Variants in ATP8B4 observed in about 807,000 individuals in gnomAD.
ATP8B4 encodes ATPase phospholipid transporting 8B4 (putative).
A neutral mutation model predicts 145.6 loss-of-function variants in ATP8B4; 133 were observed. The ratio of observed to expected loss-of-function variants is 0.91; its 90% CI spans 0.79 to 1.05. The LOEUF is 1.05. ATP8B4 is among the 50% of genes least tolerant of loss of function. The pLI, the probability that ATP8B4 is intolerant of heterozygous loss-of-function variation, is 0.00. For missense variants in ATP8B4, 1,458 were observed against 1,425.2 expected, an observed-to-expected ratio of 1.02 and a Z score of -0.37; for synonymous variants, 507 against 492.9, an observed-to-expected ratio of 1.03 and a Z score of -0.38.
chr15:50,052,460 T>C (rs1022079196), intron 3 of ATP8B4, among the ~76,000 whole-genome samples: 3 of 152,152 alleles, frequency 2.0e-5, no homozygotes, highest in African/African-American at 7.2e-5. Flanking sequence ...GGGTCCCACA[T>C]AGTGGGAAAG....
At chr15:49,907,505 T>G (rs944531440) in intron 20 of ATP8B4, among the ~76,000 whole-genome samples, 3 of 152,166 alleles carry the variant, frequency 2.0e-5, no homozygotes, top group East Asian at 3.9e-4. Context: ...GTAGTCCTTG[T>G]TGGTGGAAAG....
At chr15:50,169,462 C>T (rs948515292) in intron 1 of ATP8B4, among the ~76,000 whole-genome samples, 5 of 152,204 alleles carry the variant, frequency 3.3e-5, no homozygotes, top group African/African-American at 9.6e-5. Flanking sequence ...ACAGGAGCCA[C>T]ATCCATAGGA....
intron 20 of ATP8B4, among the ~76,000 whole-genome samples, chr15:49,904,658 C>T (rs2038409230): frequency 1.3e-5 from 2 of 152,124 alleles, no homozygotes; most frequent in African/African-American, 4.8e-5. Flanking sequence ...ACCAAAGGCC[C>T]CATCACTCCC....
At chr15:49,981,150 CA>C in intron 11 of ATP8B4, 55 bp downstream of exon 11, 1 of 1,368,866 alleles carries the variant, frequency 7.3e-7, no homozygotes, top group South Asian at 1.2e-5. Flanking sequence ...CAGCAAGATT[CA>C]GTAAATGTAC....
intron 14 of ATP8B4, among the ~76,000 whole-genome samples, chr15:49,946,855 A>G (rs2042612272): frequency 6.6e-6 from 1 of 152,190 alleles, no homozygotes; most frequent in Non-Finnish European, 1.5e-5. Context: ...CACCGGGACA[A>G]TGGTCAGCCA....
chr15:50,104,364 A>G (rs1376588674), intron 2 of ATP8B4, among the ~76,000 whole-genome samples: 1 of 152,190 alleles, frequency 6.6e-6, no homozygotes, highest in Non-Finnish European at 1.5e-5. Flanking sequence ...TCTACAAGGA[A>G]CTCAAACAAA....
At chr15:50,118,141 C>T (rs1023124230) in intron 1 of ATP8B4, among the ~76,000 whole-genome samples, 15 of 151,740 alleles carry the variant, frequency 9.9e-5, no homozygotes, top group South Asian at 4.2e-4. Flanking sequence ...TTATAATAAA[C>T]GATATAGATA....
At chr15:49,922,491 A>AT in intron 17 of ATP8B4, 1 of 380,564 alleles carries the variant, frequency 2.6e-6, no homozygotes, top group East Asian at 7.7e-5. Context: ...CCAAACCATC[A>AT]TTTTTTAAAT....
In ATP8B4 at chr15:50,126,594, A is replaced by G. The variant is rs187254771; in HGVS notation, c.-42-19586T>C. On this transcript the variant is annotated intron_variant, in intron 1 of 3. Transcript: ENST00000558829. ...AACATCTTATGACTATAACTTCTTT[A>G]GCTATTATTTTAAGCTACTATTACT... 2.1e-4 allele frequency among the ~76,000 whole-genome samples: 32 copies of G among 152,330 alleles called. No individual in the cohort carries two copies. In the East Asian group the frequency reaches 6.0e-3, roughly 28 times the overall value.
intron 1 of ATP8B4, among the ~76,000 whole-genome samples, chr15:50,163,682 G>A (rs1258144342): frequency 6.6e-6 from 1 of 152,162 alleles, no homozygotes; most frequent in Non-Finnish European, 1.5e-5. Context: ...ATCAGCAGAT[G>A]GTGAATCCAG....
intron 23 of ATP8B4, 84 bp downstream of exon 23, chr15:49,897,208 T>C (rs772716988): frequency 7.7e-7 from 1 of 1,299,656 alleles, no homozygotes; most frequent in Non-Finnish European, 1.1e-6. Flanking sequence ...AATTTATTAG[T>C]AAAGAGCTAT....
intron 5 of ATP8B4, among the ~76,000 whole-genome samples, chr15:50,039,890 C>T (rs1192253754): frequency 6.6e-6 from 1 of 152,062 alleles, no homozygotes; most frequent in South Asian, 2.1e-4. Flanking sequence ...ATAGATATTA[C>T]CAGTAAAAAT....
chr15:49,981,174 G>T lies in ATP8B4; in HGVS notation c.837+32C>A. 3 of 1,426,364 alleles carry T rather than the reference G, an allele frequency of 2.1e-6. No individual in the cohort carries two copies. In the South Asian group the frequency reaches 3.5e-5, roughly 17 times the overall value. The allele number at this position is 1,426,364 out of a possible 1,614,324, so 88.4% of individuals were successfully genotyped here. On this transcript the variant is annotated intron_variant, in intron 11 of 27. Transcript: ENST00000284509. Reference sequence around the variant, plus strand: ...TCAGTAAATGTACTAAGATAACAATGACTAGTGATATTGCCTAGTTTTGTA... The same window carrying T: ...TCAGTAAATGTACTAAGATAACAATTACTAGTGATATTGCCTAGTTTTGTA...
chr15:49,969,329 T>C (rs778387451), intron 13 of ATP8B4, among the ~76,000 whole-genome samples: 29 of 151,872 alleles, frequency 1.9e-4, no homozygotes, highest in Non-Finnish European at 3.4e-4. Flanking sequence ...AATCAATGAG[T>C]CCAGGAGCTG....
At chr15:49,893,301 G>C (rs953522584) in intron 23 of ATP8B4, among the ~76,000 whole-genome samples, 3 of 151,924 alleles carry the variant, frequency 2.0e-5, no homozygotes, top group African/African-American at 7.3e-5. Flanking sequence ...GGTGAGAGTG[G>C]GAAGAAATAG....
intron 20 of ATP8B4, among the ~76,000 whole-genome samples, chr15:49,903,968 A>ACTT (rs1362336000): frequency 6.6e-6 from 1 of 151,874 alleles, no homozygotes; most frequent in African/African-American, 2.4e-5. Context: ...GAAAATCTGG[A>ACTT]CTTTGATATG....
At chr15:49,948,544 G>A (rs2042780775) in intron 14 of ATP8B4, among the ~76,000 whole-genome samples, 1 of 152,086 alleles carries the variant, frequency 6.6e-6, no homozygotes. Context: ...ATCTGATAAG[G>A]GGTTACTAGC....
chr15:49,887,370 G>A (rs2036314386), intron 23 of ATP8B4, among the ~76,000 whole-genome samples: 4 of 139,664 alleles, frequency 2.9e-5, no homozygotes, highest in South Asian at 5.3e-4. Flanking sequence ...ACCCAACACA[G>A]GTTGACCAGA....
intron 12 of ATP8B4, among the ~76,000 whole-genome samples, 164 bp from the exon 13 acceptor site, chr15:49,972,954 G>A (rs1280311185): frequency 1.3e-5 from 2 of 152,118 alleles, no homozygotes; most frequent in Non-Finnish European, 2.9e-5. Context: ...TCTCAACAGA[G>A]TCTGTTTATA....
Sources: allele counts gnomAD v4.1 joint callset (sites outside exome capture counted in the v4.1 genomes callset), GRCh38; gene constraint gnomAD v4.1.1; transcripts MANE v1.5; gene names NCBI Gene and HGNC (gene_info 2026-07-23, HGNC 2026-07-21).